GPR19: variants seen among roughly 807,000 people sequenced by gnomAD.
GPR19 encodes the protein G protein-coupled receptor 19.
GPR19 carries 14 observed loss-of-function variants against 28.5 expected under a neutral mutation model. The observed-to-expected ratio is 0.49, with a 90% CI of 0.32 to 0.77. The LOEUF is 0.77. Ranked by LOEUF, GPR19 falls within the 30% of genes least tolerant of loss-of-function variation. The probability of loss-of-function intolerance (pLI) is 0.03; values close to 1 mark genes in which losing one functional copy is unlikely to be tolerated. For synonymous variants in GPR19, 173 were observed against 184.1 expected, an observed-to-expected ratio of 0.94 and a Z score of 0.49; for missense variants, 409 against 504.1, an observed-to-expected ratio of 0.81 and a Z score of 1.81.
chr12:12,713,395 C>T, the GPR19 span, among the ~76,000 whole-genome samples: 1 of 152,138 alleles, frequency 6.6e-6, no homozygotes, highest in Non-Finnish European at 1.5e-5. Context: ...CCCACTTGCT[C>T]CGCCCTATCC....
At chr12:12,707,347 A>G in the GPR19 span, among the ~76,000 whole-genome samples, 1 of 152,232 alleles carries the variant, frequency 6.6e-6, no homozygotes, top group Non-Finnish European at 1.5e-5. Context: ...ATGACATATT[A>G]TGCTTATTTA....
chr12:12,703,677 T>C, the GPR19 span, among the ~76,000 whole-genome samples: 2 of 152,174 alleles, frequency 1.3e-5, no homozygotes, highest in African/African-American at 4.8e-5. Context: ...GGTAGAGCAG[T>C]CTGTACCAGG....
chr12:12,713,557 G>C, the GPR19 span, among the ~76,000 whole-genome samples: 1 of 151,918 alleles, frequency 6.6e-6, no homozygotes, highest in Admixed American at 6.6e-5. Flanking sequence ...GTGTGAGATG[G>C]AGTCTCACTC....
chr12:12,666,761 A>G (rs1011817280), intron 3 of GPR19, among the ~76,000 whole-genome samples: 1 of 152,374 alleles, frequency 6.6e-6, no homozygotes, highest in Admixed American at 6.5e-5. Flanking sequence ...CTCTTACTCT[A>G]TGTGCCTCTG....
Position 12,679,959 on chromosome 12 carries a change from G to C in GPR19, c.-23+4392C>G, listed in dbSNP as rs542746278. Among the ~76,000 whole-genome samples the C allele has an allele frequency of 8.5e-5, 13 of 152,076 alleles. 1 individual carries two copies. The South Asian group carries it at 2.3e-3, about 27-fold the overall frequency. On this transcript the variant is annotated intron_variant, in intron 3 of 3. Coordinates refer to ENST00000651487, the MANE Select transcript of GPR19 (RefSeq NM_006143.3). ...AAGAAAGGAGCTAAGGACAATGTCT[G>C]GAACAAAGCAAGTGCTCAACAAATA...
chr12:12,703,239 T>C, the GPR19 span: 1 of 249,970 alleles, frequency 4.0e-6, no homozygotes, highest in South Asian at 1.5e-4. Flanking sequence ...ATTACCCTTA[T>C]ATTGGACGTG....
chr12:12,710,923 A>G, the GPR19 span, among the ~76,000 whole-genome samples: 12 of 152,164 alleles, frequency 7.9e-5, no homozygotes, highest in African/African-American at 2.9e-4. Flanking sequence ...CATACTGACC[A>G]TTGAGTGATA....
intron 2 of GPR19, among the ~76,000 whole-genome samples, chr12:12,693,953 C>A (rs6488545): frequency 1.3e-5 from 2 of 152,070 alleles, no homozygotes; most frequent in South Asian, 4.2e-4. Context: ...CCCCCGCCTC[C>A]GCCTCCCAAA....
At position 12,662,100 on chromosome 12, in the gene GPR19, C is replaced by T. The variant is rs1190853377; in HGVS notation, c.349G>A (p.Ala117Thr). Reference protein sequence around the residue: ...MACADLLISVASTPFVLLQFT... With the variant: ...MACADLLISVTSTPFVLLQFT... ...TGGAGCAGGACGAAAGGCGTGCTGG[C>T]AACGCTGATGAGAAGGTCAGCACAT... The change falls in exon 4 of 4, where the codon GCC becomes ACC. Residue 117 changes from alanine (A) to threonine (T), a missense_variant. Physicochemically the swap from Ala to Thr is moderately conservative, Grantham distance 58. Transcript: ENST00000651487. The T allele has an allele frequency of 6.2e-7, 1 of 1,614,076 alleles. No homozygotes were observed. The highest frequency in any genetic ancestry group is 1.3e-5 in the African/African-American group (1 of 74,944).
intron 2 of GPR19, among the ~76,000 whole-genome samples, chr12:12,692,111 CA>C (rs1308813492): frequency 1.3e-5 from 2 of 152,160 alleles, no homozygotes; most frequent in African/African-American, 4.8e-5. Flanking sequence ...GGAGGATGAG[CA>C]ATACGTCTTA....
the GPR19 span, chr12:12,716,763 G>C: frequency 6.1e-6 from 6 of 985,328 alleles, no homozygotes; most frequent in Non-Finnish European, 7.2e-6. Context: ...CCCAGGGATG[G>C]CAGAAACTTC....
the GPR19 span, chr12:12,717,172 C>A: frequency 1.9e-5 from 20 of 1,040,176 alleles, no homozygotes; most frequent in Non-Finnish European, 2.2e-5. Flanking sequence ...CAGCAGTACC[C>A]CTCCAGCAGT....
intron 2 of GPR19, among the ~76,000 whole-genome samples, chr12:12,692,024 T>C (rs1946187996): frequency 6.6e-6 from 1 of 152,244 alleles, no homozygotes; most frequent in African/African-American, 2.4e-5. Flanking sequence ...CAAAACAGTG[T>C]GGCCACTTCT....
At chr12:12,672,441 AC>A (rs767182526) in intron 3 of GPR19, among the ~76,000 whole-genome samples, 9 of 152,144 alleles carry the variant, frequency 5.9e-5, no homozygotes, top group Non-Finnish European at 7.4e-5. Flanking sequence ...TGTAAAAAAA[AC>A]AAGTGCAAAA....
rs757703413 is a variant in GPR19 at position 12,661,651 on chromosome 12, A to G, written c.798T>C (p.Ile266=). The change falls in exon 4 of 4, where the codon ATT becomes ATC. Residue 266 remains isoleucine, a synonymous_variant. Coordinates refer to ENST00000651487, the MANE Select transcript of GPR19 (RefSeq NM_006143.3). The surrounding 1 kb of genome is among the most constrained non-coding windows in gnomAD (Gnocchi z 4.2). Reference sequence around the variant, plus strand: ...TAGTTTTCACTTTTGTCCGAGGGACAATGTTCATTGTCCTCCTCACCGTTC... The same window carrying G: ...TAGTTTTCACTTTTGTCCGAGGGACGATGTTCATTGTCCTCCTCACCGTTC... ...DGRTVRRTMN[I]VPRTKVKTIK... The G allele has an allele frequency of 6.2e-7, 1 of 1,614,004 alleles. No individual in the cohort carries two copies. The highest frequency in any genetic ancestry group is 8.5e-7 in the Non-Finnish European group (1 of 1,179,814).
At chr12:12,711,556 C>T in the GPR19 span, among the ~76,000 whole-genome samples, 1 of 152,104 alleles carries the variant, frequency 6.6e-6, no homozygotes, top group Non-Finnish European at 1.5e-5. Flanking sequence ...TAAAGCCACA[C>T]CTAATTGCAA....
chr12:12,681,077 C>T (rs1300724512), intron 3 of GPR19, among the ~76,000 whole-genome samples: 4 of 152,096 alleles, frequency 2.6e-5, no homozygotes, highest in Non-Finnish European at 5.9e-5. Context: ...GGATTACAGG[C>T]GTGAGTTATG....
intron 3 of GPR19, among the ~76,000 whole-genome samples, chr12:12,667,844 G>C (rs984483183): frequency 1.3e-5 from 2 of 152,078 alleles, no homozygotes; most frequent in African/African-American, 4.8e-5. Flanking sequence ...AGTTCCTTGA[G>C]GATAAGGACT....
intron 3 of GPR19, among the ~76,000 whole-genome samples, chr12:12,681,570 C>G (rs150692689): frequency 6.6e-6 from 1 of 152,284 alleles, no homozygotes; most frequent in African/African-American, 2.4e-5. Flanking sequence ...GTGTGCTAGC[C>G]CTGCTTATCT....
Sources: gnomAD v4.1 joint callset for allele counts (sites outside exome capture counted in the v4.1 genomes callset) on GRCh38, gnomAD v4.1.1 for gene constraint, Gnocchi (gnomAD v3.1) non-coding constraint, MANE v1.5 for transcripts, NCBI Gene and HGNC (gene_info 2026-07-23, HGNC 2026-07-21) for gene names.